CADM2: variants seen among roughly 807,000 people sequenced by gnomAD.
CADM2 encodes the protein immunoglobulin superfamily member 4D.
CADM2 carries 12 observed loss-of-function variants against 49.8 expected under a neutral mutation model. That is an observed-to-expected ratio of 0.24 (90% CI 0.15 to 0.39). The LOEUF is 0.39. Ranked by LOEUF, CADM2 falls within the 10% of genes least tolerant of loss-of-function variation. CADM2 has a pLI of 1.00. For missense variants in CADM2, 378 were observed against 492.3 expected, an observed-to-expected ratio of 0.77 and a Z score of 2.20; for synonymous variants, 214 against 175.4, an observed-to-expected ratio of 1.22 and a Z score of -1.74.
intron 1 of CADM2, among the ~76,000 whole-genome samples, chr3:84,973,653 G>GT (rs1325566222): frequency 6.6e-6 from 1 of 152,058 alleles, no homozygotes; most frequent in Non-Finnish European, 1.5e-5. Flanking sequence ...ACAATATTTA[G>GT]TTTTTTTAGA....
intron 1 of CADM2, among the ~76,000 whole-genome samples, chr3:85,713,698 T>G (rs565378712): frequency 6.6e-6 from 1 of 152,306 alleles, no homozygotes; most frequent in Non-Finnish European, 1.5e-5. Context: ...CGGTAAAAAC[T>G]ACTAAACATC....
intron 1 of CADM2, among the ~76,000 whole-genome samples, chr3:85,603,566 A>G (rs932887239): frequency 2.0e-5 from 3 of 151,836 alleles, no homozygotes; most frequent in Middle Eastern, 3.4e-3. Flanking sequence ...CCCAGGGGAA[A>G]CAAAGGGGCT....
At chr3:85,988,042 A>G (rs1357192172) in intron 8 of CADM2, among the ~76,000 whole-genome samples, 1 of 152,130 alleles carries the variant, frequency 6.6e-6, no homozygotes, top group African/African-American at 2.4e-5. Context: ...TACTAATTAT[A>G]CCAACTTTGG....
At chr3:85,659,212 G>A (rs1019023229) in intron 1 of CADM2, among the ~76,000 whole-genome samples, 6 of 151,780 alleles carry the variant, frequency 4.0e-5, no homozygotes, top group East Asian at 1.9e-4. Context: ...CAGCCTCATC[G>A]TAACTGCATT....
intron 7 of CADM2, among the ~76,000 whole-genome samples, chr3:85,961,238 A>T (rs909557309): frequency 1.3e-5 from 2 of 150,750 alleles, no homozygotes; most frequent in Non-Finnish European, 2.9e-5. Flanking sequence ...GACTCAACAA[A>T]TTAGTCTCTG....
At chr3:85,154,022 A>C (rs1367141064) in intron 1 of CADM2, among the ~76,000 whole-genome samples, 1 of 152,184 alleles carries the variant, frequency 6.6e-6, no homozygotes, top group African/African-American at 2.4e-5. Context: ...AACTCTAAAA[A>C]GCAGAGCGCC....
chr3:85,019,573 C>T (rs1009715826), intron 1 of CADM2, among the ~76,000 whole-genome samples: 2 of 152,146 alleles, frequency 1.3e-5, no homozygotes, highest in African/African-American at 4.8e-5. Context: ...CTAACACTGT[C>T]AGGCATGCAT....
intron 1 of CADM2, among the ~76,000 whole-genome samples, chr3:85,239,394 C>T (rs2042479584): frequency 6.6e-6 from 1 of 151,616 alleles, no homozygotes; most frequent in Non-Finnish European, 1.5e-5. Context: ...AGAGCTGTAA[C>T]ACTAAAGAGC....
chr3:85,489,543 G>T (rs67874563), intron 1 of CADM2, among the ~76,000 whole-genome samples: 45,174 of 151,882 alleles, frequency 0.3, 7,969 homozygotes, highest in East Asian at 0.55. Context: ...TAGATAAAAA[G>T]AACTTTGCTA....
chr3:85,666,043 T>C (rs1303710943), intron 1 of CADM2, among the ~76,000 whole-genome samples: 1 of 152,018 alleles, frequency 6.6e-6, no homozygotes, highest in Non-Finnish European at 1.5e-5. Flanking sequence ...TTCAGCAAAG[T>C]CTCAGAATGC....
chr3:85,739,844 T>C (rs745907727), intron 2 of CADM2, among the ~76,000 whole-genome samples: 3 of 152,168 alleles, frequency 2.0e-5, no homozygotes, highest in Admixed American at 1.3e-4. Flanking sequence ...TCAAAAATTT[T>C]AAATGTGAAT....
intron 1 of CADM2, among the ~76,000 whole-genome samples, chr3:85,085,669 G>A (rs965033679): frequency 3.8e-4 from 58 of 151,956 alleles, no homozygotes; most frequent in African/African-American, 1.3e-3. Context: ...CCCAGTAATC[G>A]TTTCATCCTG....
chr3:85,703,583 A>G (rs1432994708), intron 1 of CADM2, among the ~76,000 whole-genome samples: 1 of 152,144 alleles, frequency 6.6e-6, no homozygotes, highest in Non-Finnish European at 1.5e-5. Flanking sequence ...AAAAAAGTCC[A>G]AGGTTCCAAA....
chr3:85,213,623 A>G (rs2041855402), intron 1 of CADM2, among the ~76,000 whole-genome samples: 1 of 152,080 alleles, frequency 6.6e-6, no homozygotes, highest in African/African-American at 2.4e-5. Context: ...TTTGACATCT[A>G]TTCGATATTT....
At chr3:86,017,983 C>G in intron 8 of CADM2, among the ~76,000 whole-genome samples, 1 of 133,842 alleles carries the variant, frequency 7.5e-6, no homozygotes, top group African/African-American at 2.8e-5. Context: ...CCCACTAACT[C>G]GTCATCTAGC....
At chr3:85,217,527 A>G (rs891843314) in intron 1 of CADM2, among the ~76,000 whole-genome samples, 2 of 152,166 alleles carry the variant, frequency 1.3e-5, no homozygotes, top group Middle Eastern at 6.8e-3. Flanking sequence ...ATTAATACCA[A>G]TTCACCTACA....
At chr3:85,500,571 G>A (rs2040075163) in intron 1 of CADM2, among the ~76,000 whole-genome samples, 1 of 151,160 alleles carries the variant, frequency 6.6e-6, no homozygotes, top group Non-Finnish European at 1.5e-5. Context: ...AGGGTGGAGT[G>A]CAGTGGCATG....
chr3:85,715,283 G>T (rs1351534016), intron 1 of CADM2, among the ~76,000 whole-genome samples: 1 of 152,076 alleles, frequency 6.6e-6, no homozygotes, highest in Admixed American at 6.5e-5. Flanking sequence ...TTTCAAAGAA[G>T]CATTATTTTG....
chr3:85,178,752 C>A (rs2107699462), intron 1 of CADM2, among the ~76,000 whole-genome samples: 1 of 151,740 alleles, frequency 6.6e-6, no homozygotes, highest in African/African-American at 2.4e-5. Flanking sequence ...TATGTTAAAT[C>A]ATTCTTAAGT....
Sources: gnomAD v4.1 joint callset for allele counts (sites outside exome capture counted in the v4.1 genomes callset) on GRCh38, gnomAD v4.1.1 for gene constraint, MANE v1.5 for transcripts, NCBI Gene and HGNC (gene_info 2026-07-23, HGNC 2026-07-21) for gene names.